Variants in SIMC1 observed in about 807,000 individuals in gnomAD.
SIMC1 encodes the protein SUMO interacting motifs containing 1.
In SIMC1, 55 loss-of-function variants were observed where a neutral mutation model predicts 82.3. The ratio of observed to expected loss-of-function variants is 0.67; its 90% confidence interval spans 0.54 to 0.84. The LOEUF is 0.84. Ranked by LOEUF, SIMC1 falls within the 40% of genes least tolerant of loss-of-function variation. The pLI is 0.00. For synonymous variants in SIMC1, 353 were observed against 426.3 expected (o/e 0.83, Z 2.12); for missense variants, 915 against 1,107.2 (o/e 0.83, Z 2.46).
At chr5:176,321,649 G>C (rs1436104697) in intron 5 of SIMC1, among the ~76,000 whole-genome samples, 1 of 152,022 alleles carries the variant, frequency 6.6e-6, no homozygotes, top group Non-Finnish European at 1.5e-5. Flanking sequence ...TTATTAACTT[G>C]TAGAGCCTCA....
chr5:176,342,756 CT>C (rs1766205991), intron 9 of SIMC1, among the ~76,000 whole-genome samples: 1 of 152,216 alleles, frequency 6.6e-6, no homozygotes, highest in African/African-American at 2.4e-5. Flanking sequence ...CTAGAGTGGG[CT>C]GCTTCCCTTA....
At chr5:176,273,272 G>A (rs188408608) in intron 1 of SIMC1, among the ~76,000 whole-genome samples, 16 of 152,268 alleles carry the variant, frequency 1.1e-4, no homozygotes, top group African/African-American at 2.2e-4. Flanking sequence ...TTGCTGTTCC[G>A]CAATATTCAC....
intron 1 of SIMC1, among the ~76,000 whole-genome samples, chr5:176,273,875 G>T (rs933425188): frequency 1.4e-3 from 210 of 152,124 alleles, no homozygotes; most frequent in African/African-American, 4.7e-3. Context: ...TGGTGTATAT[G>T]TGCCACATTT....
At position 176,321,885 on chromosome 5, in the gene SIMC1, CT is replaced by C. The variant is rs11418187; in HGVS notation, c.1890-367del. 4.0e-3 allele frequency among the ~76,000 whole-genome samples: 365 copies of C among 90,716 alleles called. 1 individual carries two copies. The highest frequency in any genetic ancestry group is 0.012 in the East Asian group (33 of 2,688). 59.5% of individuals were successfully genotyped at this position (90,716 alleles called of 152,430 possible). A position where few individuals can be genotyped will look rare whatever the true frequency, so the allele number is the denominator to read the frequency against. On this transcript the variant is annotated intron_variant, in intron 5 of 9. Transcript: ENST00000429602. ...AGAAAAATGTTGATATTTTAGTTAGCTTTTTTTTTTTTTTTTTTTTTGTAGA... is the reference window on the plus strand; with the variant it reads ...AGAAAAATGTTGATATTTTAGTTAGCTTTTTTTTTTTTTTTTTTTTGTAGA...
rs879418049 is a variant in SIMC1 at position 176,335,096 on chromosome 5, CA to C, written c.2172-1611del. ...TGGGCAAAAGAGCGAAACTCTGTCT[CA>C]AAAAAAAAAAAATAATAATAATAAT... is the stretch of plus-strand genomic sequence containing the variant. On this transcript the variant is annotated intron_variant, in intron 7 of 9. Coordinates refer to ENST00000429602, the MANE Select transcript of SIMC1 (RefSeq NM_001308195.2). Among the ~76,000 whole-genome samples, 401 of 142,110 alleles carry C rather than the reference CA, an allele frequency of 2.8e-3. 2 individuals carry two copies. The highest frequency in any genetic ancestry group is 9.2e-3 in the African/African-American group (357 of 38,650). The allele number at this position is 142,110 out of a possible 152,430, so 93.2% of individuals were successfully genotyped here.
chr5:176,290,274 A>G lies in SIMC1; in HGVS notation c.750A>G (p.Pro250=). 6.2e-7 allele frequency: 1 copy of G among 1,612,836 alleles called. No homozygotes were observed. Among genetic ancestry groups the G allele is most frequent in the Non-Finnish European group, 8.5e-7 (1 of 1,179,722 alleles). ...GCCCACCACGAGCCTTGTCATGCCCATCACAAACCATGCAGTGCCAACTAC... is the reference window on the plus strand; with the variant it reads ...GCCCACCACGAGCCTTGTCATGCCCGTCACAAACCATGCAGTGCCAACTAC... ...SSCPPRALSC[P]SQTMQCQLPA... The change falls in exon 2 of 10, where the codon CCA becomes CCG. Residue 250 remains proline, a synonymous_variant. Transcript: ENST00000429602.
At chr5:176,288,097 C>T (rs1187547600) in intron 1 of SIMC1, among the ~76,000 whole-genome samples, 2 of 152,108 alleles carry the variant, frequency 1.3e-5, no homozygotes, top group African/African-American at 4.8e-5. Flanking sequence ...GGTGATCCAC[C>T]GCGCCTAGCC....
At chr5:176,263,155 A>G (rs1260301426) in intron 1 of SIMC1, among the ~76,000 whole-genome samples, 6 of 152,242 alleles carry the variant, frequency 3.9e-5, no homozygotes, top group African/African-American at 7.2e-5. Flanking sequence ...ATAAATGGAG[A>G]AACATTTCAT....
Position 176,344,774 on chromosome 5 carries a change from C to T in SIMC1, c.2414-409C>T, listed in dbSNP as rs979654594. On this transcript the variant is annotated intron_variant, in intron 9 of 9. Transcript: ENST00000429602. Reference sequence around the variant, plus strand: ...CTCAACCATTCATGAGAAATCACCCCCACCAGGCCCCACCTCCAACATCAG... The same window carrying T: ...CTCAACCATTCATGAGAAATCACCCTCACCAGGCCCCACCTCCAACATCAG... Among the ~76,000 whole-genome samples the T allele has an allele frequency of 9.9e-5, 15 of 152,138 alleles. No homozygotes were observed. The East Asian group carries it at 2.9e-3, about 29-fold the overall frequency.
intron 1 of SIMC1, among the ~76,000 whole-genome samples, chr5:176,261,707 C>T (rs955036685): frequency 2.7e-5 from 4 of 150,764 alleles, no homozygotes; most frequent in African/African-American, 9.8e-5. Context: ...GAGATCATGC[C>T]ACTGCACTCC....
chr5:176,282,447 G>A lies in SIMC1; in HGVS notation c.130-7207G>A, dbSNP rs188993296. The stretch of plus-strand genomic sequence containing the variant: ...TGGTGCGCTGCACCCACTGACCTGC[G>A]CCCACTGTCTGGCACTCCCCAGTGA... On this transcript the variant is annotated intron_variant, in intron 1 of 9. Coordinates refer to ENST00000429602, the MANE Select transcript of SIMC1 (RefSeq NM_001308195.2). Among the ~76,000 whole-genome samples, 987 of 152,266 alleles carry A rather than the reference G, an allele frequency of 6.5e-3. 12 individuals carry two copies. Among genetic ancestry groups the A allele is most frequent in the African/African-American group, 0.022 (933 of 41,558 alleles).
chr5:176,309,817 A>G (rs1764586811), intron 4 of SIMC1, among the ~76,000 whole-genome samples: 1 of 152,116 alleles, frequency 6.6e-6, no homozygotes, highest in South Asian at 2.1e-4. Context: ...GACACACACC[A>G]GTAGTCCCAG....
At chr5:176,280,879 C>T (rs1373437836) in intron 1 of SIMC1, among the ~76,000 whole-genome samples, 1 of 152,140 alleles carries the variant, frequency 6.6e-6, no homozygotes, top group East Asian at 1.9e-4. Flanking sequence ...TCCTTCATTT[C>T]AACTTTGGTG....
At chr5:176,279,549 C>G (rs1190613119) in intron 1 of SIMC1, among the ~76,000 whole-genome samples, 1 of 150,496 alleles carries the variant, frequency 6.6e-6, no homozygotes, top group Non-Finnish European at 1.5e-5. Flanking sequence ...TTTTCTAGTT[C>G]TTTTAATTGT....
At chr5:176,308,155 G>A (rs1253704525) in intron 4 of SIMC1, 12 of 1,101,544 alleles carry the variant, frequency 1.1e-5, no homozygotes, top group Non-Finnish European at 1.4e-5. Flanking sequence ...GCACAGAGAA[G>A]GAGGAAGTGA....
rs145368236 is a variant in SIMC1, at chr5:176,290,451, A to G, written c.927A>G (p.Pro309=). 6 of 1,613,858 alleles carry G rather than the reference A, an allele frequency of 3.7e-6. No homozygotes were observed. Among genetic ancestry groups the G allele is most frequent in the African/African-American group, 1.3e-5 (1 of 74,900 alleles). ...PQDVAYLQDM[P]RSPGDVPQSP... is the part of the protein sequence containing the mutation. Reference sequence around the variant, plus strand: ...ATGTGGCATACCTGCAAGACATGCCACGGTCACCAGGAGATGTGCCACAGT... The same window carrying G: ...ATGTGGCATACCTGCAAGACATGCCGCGGTCACCAGGAGATGTGCCACAGT... The change falls in exon 2 of 10, where the codon CCA becomes CCG. Residue 309 remains proline (P), a synonymous_variant. Transcript: ENST00000429602.
At chr5:176,285,458 C>G (rs1471707075) in intron 1 of SIMC1, among the ~76,000 whole-genome samples, 1 of 152,210 alleles carries the variant, frequency 6.6e-6, no homozygotes, top group Non-Finnish European at 1.5e-5. Flanking sequence ...TAAAAACTCT[C>G]AATAAATTAG....
chr5:176,296,294 C>G lies in SIMC1; in HGVS notation c.1708C>G (p.Leu570Val), dbSNP rs1321074432. The G allele has an allele frequency of 2.5e-6, 4 of 1,613,438 alleles. No individual in the cohort carries two copies. The African/African-American group carries it at 5.3e-5, about 22-fold the overall frequency. The change falls in exon 4 of 10, where the codon CTG becomes GTG. Residue 570 changes from leucine (L) to valine (V), a missense_variant. Around this residue, in one of 2 missense-constraint regions of SIMC1, gnomAD observed 902 missense variants for 1,040.3 expected, o/e 0.87. Coordinates refer to ENST00000429602, the MANE Select transcript of SIMC1 (RefSeq NM_001308195.2). The stretch of plus-strand genomic sequence containing the variant: ...CAAGACAGTGGAGTGGGACTGGAAA[C>G]TGCTCACCTATGTCATGGAGGAAGA... The part of the protein sequence containing the change: ...NAKTVEWDWK[L>V]LTYVMEEEGQ...
At chr5:176,305,558 C>T (rs1581282174) in intron 4 of SIMC1, among the ~76,000 whole-genome samples, 2 of 144,280 alleles carry the variant, frequency 1.4e-5, no homozygotes, top group African/African-American at 2.6e-5. Flanking sequence ...GCCTGGCCAG[C>T]CGCCCCGTCC....
Sources: gnomAD v4.1 joint callset for allele counts (sites outside exome capture counted in the v4.1 genomes callset) on GRCh38, gnomAD v4.1.1 for gene constraint, gnomAD v4.1.1 regional missense constraint, MANE v1.5 for transcripts, NCBI Gene and HGNC (gene_info 2026-07-23, HGNC 2026-07-21) for gene names.